Variants in ZFYVE28 observed in about 807,000 individuals in gnomAD.
ZFYVE28 encodes the protein lateral signaling target protein 2 homolog.
A neutral mutation model predicts 82.1 loss-of-function variants in ZFYVE28; 40 were observed. That is an observed-to-expected ratio of 0.49 (90% CI 0.38 to 0.63). The LOEUF is 0.63. Among genes scored for constraint, ZFYVE28 ranks in the 30% least tolerant of loss-of-function variants. The pLI, the probability that ZFYVE28 is intolerant of heterozygous loss-of-function variation, is 0.00. For synonymous variants in ZFYVE28, 612 were observed against 546.1 expected, an observed-to-expected ratio of 1.12 and a Z score of -1.68; for missense variants, 1,321 against 1,242.1, an observed-to-expected ratio of 1.06 and a Z score of -0.96.
At chr4:2,364,740 CA>C in intron 1 of ZFYVE28, 1 of 985,524 alleles carries the variant, frequency 1.0e-6, no homozygotes, top group Non-Finnish European at 1.2e-6. Context: ...AGGTGATGAG[CA>C]TAACGTTGTG....
chr4:2,400,075 C>T (rs926365965), intron 1 of ZFYVE28, among the ~76,000 whole-genome samples: 1 of 152,244 alleles, frequency 6.6e-6, no homozygotes. Context: ...TTCCCCGGAG[C>T]TCCTCAGGGC....
intron 8 of ZFYVE28, among the ~76,000 whole-genome samples, chr4:2,292,625 T>G (rs1018360831): frequency 6.6e-6 from 1 of 152,154 alleles, no homozygotes; most frequent in Non-Finnish European, 1.5e-5. Context: ...AAGATGATAA[T>G]TCAACAGACA....
chr4:2,331,168 G>A, intron 6 of ZFYVE28: 3 of 375,812 alleles, frequency 8.0e-6, no homozygotes, highest in Non-Finnish European at 1.4e-5. Flanking sequence ...GGAGGGAGGG[G>A]TAGAGGAGAG....
rs1334469075 is a variant in ZFYVE28, at chr4:2,362,180, C to G, written c.40-8107G>C. ...TAGATATCAGCAGATCTCCAGGAGA[C>G]AGTGGTCACATGCAGACTTCAGCTG... On this transcript the variant is annotated intron_variant, in intron 1 of 12. Coordinates refer to ENST00000290974, the MANE Select transcript of ZFYVE28 (RefSeq NM_020972.3). The surrounding 1 kb of genome is among the most constrained non-coding windows in gnomAD (Gnocchi z 5.1). 6.6e-6 allele frequency among the ~76,000 whole-genome samples: 1 copy of G among 152,154 alleles called. No homozygotes were observed. The highest frequency in any genetic ancestry group is 1.9e-4 in the East Asian group (1 of 5,200).
In ZFYVE28 at chr4:2,362,302, G is replaced by A. The variant is rs1008504652; in HGVS notation, c.40-8229C>T. Among the ~76,000 whole-genome samples, 2 of 152,070 alleles carry A rather than the reference G, an allele frequency of 1.3e-5. No homozygotes were observed. Among genetic ancestry groups the A allele is most frequent in the Non-Finnish European group, 1.5e-5 (1 of 67,992 alleles). ...TTTCCATTAAAGCCTGGGACTTCTC[G>A]CTCCAGCACCAGGAATCCAAGAGCA... On this transcript the variant is annotated intron_variant, in intron 1 of 12. Coordinates refer to ENST00000290974, the MANE Select transcript of ZFYVE28 (RefSeq NM_020972.3). The surrounding 1 kb of genome is among the most constrained non-coding windows in gnomAD (Gnocchi z 5.1).
chr4:2,416,024 G>C lies in ZFYVE28; in HGVS notation c.39+2261C>G, dbSNP rs917478424. Among the ~76,000 whole-genome samples, 1 of 152,146 alleles carries C rather than the reference G, an allele frequency of 6.6e-6. No homozygotes were observed. The highest frequency in any genetic ancestry group is 2.4e-5 in the African/African-American group (1 of 41,426). On this transcript the variant is annotated intron_variant, in intron 1 of 12. Transcript: ENST00000290974. This position sits in a 1 kb window ranked among gnomAD's most constrained non-coding sequence, Gnocchi z 4.6. ...GGAGAAGACAACGAGAAAAAGGAGA[G>C]ATCCACATCAATCCTGTTCCATCCC...
At chr4:2,291,740 C>A (rs1304565134) in intron 8 of ZFYVE28, among the ~76,000 whole-genome samples, 2 of 152,200 alleles carry the variant, frequency 1.3e-5, no homozygotes. Flanking sequence ...TGGCAGCCTG[C>A]CACACTTGCC....
chr4:2,334,918 C>T (rs546870536), intron 6 of ZFYVE28, among the ~76,000 whole-genome samples: 1 of 144,178 alleles, frequency 6.9e-6, no homozygotes, highest in South Asian at 2.4e-4. Context: ...CTCCTCCGCC[C>T]CCGTGACCAT....
At chr4:2,389,904 C>T (rs1309332263) in intron 1 of ZFYVE28, among the ~76,000 whole-genome samples, 2 of 152,174 alleles carry the variant, frequency 1.3e-5, no homozygotes, top group African/African-American at 2.4e-5. Flanking sequence ...GCATCCCCTC[C>T]AGCCTCAGAG....
intron 1 of ZFYVE28, among the ~76,000 whole-genome samples, chr4:2,371,281 TC>T (rs1246175791): frequency 6.6e-6 from 1 of 152,218 alleles, no homozygotes; most frequent in Non-Finnish European, 1.5e-5. Flanking sequence ...GGCACATTCT[TC>T]TTTTGTACTG....
intron 1 of ZFYVE28, chr4:2,364,461 C>T: frequency 2.0e-6 from 2 of 985,522 alleles, no homozygotes; most frequent in Non-Finnish European, 2.4e-6. Flanking sequence ...GCTTTACGTT[C>T]AATTCACATC....
intron 6 of ZFYVE28, among the ~76,000 whole-genome samples, chr4:2,328,114 T>C (rs1046583173): frequency 7.9e-5 from 12 of 152,258 alleles, no homozygotes; most frequent in African/African-American, 2.2e-4. Flanking sequence ...AGTCTCATGT[T>C]CATTGCAGCA....
chr4:2,323,749 T>G (rs938645145), intron 6 of ZFYVE28, among the ~76,000 whole-genome samples: 1 of 138,336 alleles, frequency 7.2e-6, no homozygotes, highest in African/African-American at 2.7e-5. Flanking sequence ...TGTGTCCATG[T>G]GATCTCATTG....
At chr4:2,360,178 G>C (rs896472112) in intron 1 of ZFYVE28, among the ~76,000 whole-genome samples, 2 of 151,760 alleles carry the variant, frequency 1.3e-5, no homozygotes, top group Non-Finnish European at 2.9e-5. Context: ...CCCGAGAACA[G>C]GGAAGCTCCG....
intron 1 of ZFYVE28, among the ~76,000 whole-genome samples, chr4:2,387,758 A>G (rs1270053190): frequency 3.9e-5 from 6 of 152,260 alleles, no homozygotes; most frequent in African/African-American, 1.4e-4. Context: ...GTTCTGGGGG[A>G]ATGGTGGCCA....
chr4:2,348,172 T>C (rs954030700), intron 2 of ZFYVE28, among the ~76,000 whole-genome samples: 1 of 152,092 alleles, frequency 6.6e-6, no homozygotes, highest in Admixed American at 6.5e-5. Flanking sequence ...TATAAGGAAA[T>C]ATTACAAACA....
chr4:2,347,920 G>A (rs1723823380), intron 2 of ZFYVE28, among the ~76,000 whole-genome samples: 1 of 151,988 alleles, frequency 6.6e-6, no homozygotes, highest in African/African-American at 2.4e-5. Flanking sequence ...AGAGAGAGAA[G>A]AGTAAATGAA....
rs1006684785 is a variant in ZFYVE28 at position 2,339,720 on chromosome 4, C to A, written c.319-65G>T. On this transcript the variant is annotated intron_variant, in intron 3 of 12. Coordinates refer to ENST00000290974, the MANE Select transcript of ZFYVE28 (RefSeq NM_020972.3). This position sits in a 1 kb window ranked among gnomAD's most constrained non-coding sequence, Gnocchi z 5.0. ...GGCCAGGCTCTCAGGGGTCGCCGAC[C>A]CGGGGAACCTGACTGCGCACCTCGG... 23 of 1,470,078 alleles carry A rather than the reference C, an allele frequency of 1.6e-5. No homozygotes were observed. The African/African-American group carries it at 2.8e-4, about 18-fold the overall frequency. 91.1% of individuals were successfully genotyped at this position (1,470,078 alleles called of 1,614,324 possible). A position where few individuals can be genotyped will look rare whatever the true frequency, so the allele number is the denominator to read the frequency against.
chr4:2,273,902 A>G (rs1316675077), intron 9 of ZFYVE28, among the ~76,000 whole-genome samples, 160 bp downstream of exon 9: 2 of 151,966 alleles, frequency 1.3e-5, no homozygotes, highest in Non-Finnish European at 1.5e-5. Context: ...GGGTCAGTCC[A>G]GCCTTCTCCA....
Sources: allele counts gnomAD v4.1 joint callset (sites outside exome capture counted in the v4.1 genomes callset), GRCh38; gene constraint gnomAD v4.1.1; non-coding constraint Gnocchi (gnomAD v3.1); transcripts MANE v1.5; gene names NCBI Gene and HGNC (gene_info 2026-07-23, HGNC 2026-07-21).